ARAP2: variants seen among roughly 807,000 people sequenced by gnomAD.
ARAP2 encodes the protein ArfGAP with RhoGAP domain, ankyrin repeat and PH domain 2.
A neutral mutation model predicts 194.5 loss-of-function variants in ARAP2; 148 were observed. That is an observed-to-expected ratio of 0.76 (90% CI 0.67 to 0.87). The LOEUF is 0.87. Among genes scored for constraint, ARAP2 ranks in the 40% least tolerant of loss-of-function variants. ARAP2 has a pLI of 0.00. For missense variants in ARAP2, 2,128 were observed against 1,989.7 expected (o/e 1.07, Z -1.32); for synonymous variants, 695 against 683.5 (o/e 1.02, Z -0.26).
rs1415113058 is a variant in ARAP2, at chr4:36,229,182, A to C, written c.305T>G (p.Ile102Ser). 6.2e-7 allele frequency: 1 copy of C among 1,614,030 alleles called. No homozygotes were observed. The highest frequency in any genetic ancestry group is 2.2e-5 in the East Asian group (1 of 44,902). Residue 102 changes from isoleucine to serine, a missense_variant, in exon 2 of 33, where the codon ATC becomes AGC. By Grantham distance (142) the Ile-to-Ser change is moderately radical. Coordinates refer to ENST00000303965, the MANE Select transcript of ARAP2 (RefSeq NM_015230.4). ...ACCAGAATTGGAAAGTTCTATGCAGATATTCTGATCAGAAGATGGAACATG... is the reference window on the plus strand; with the variant it reads ...ACCAGAATTGGAAAGTTCTATGCAGCTATTCTGATCAGAAGATGGAACATG... ...DYHVPSSDQN[I>S]CIELSNSGSV...
chr4:36,187,644 C>T (rs1260739512), intron 7 of ARAP2, 73 bp from the exon 8 acceptor site: 1 of 1,341,218 alleles, frequency 7.5e-7, no homozygotes, highest in African/African-American at 1.5e-5. Flanking sequence ...AAGAATGGCA[C>T]AGTATTTATA....
At chr4:36,008,157 T>C (rs999723631) in intron 9 of ARAP2, among the ~76,000 whole-genome samples, 1 of 152,138 alleles carries the variant, frequency 6.6e-6, no homozygotes, top group African/African-American at 2.4e-5. Context: ...TCTATCAAAT[T>C]ACTAATGTCA....
chr4:36,044,236 A>T (rs1221700495), intron 5 of ARAP2, among the ~76,000 whole-genome samples: 1 of 152,212 alleles, frequency 6.6e-6, no homozygotes, highest in Non-Finnish European at 1.5e-5. Flanking sequence ...TTTATTTGGC[A>T]AACTAGAGGC....
chr4:36,079,201 A>C (rs962961809), intron 31 of ARAP2, among the ~76,000 whole-genome samples: 4 of 145,964 alleles, frequency 2.7e-5, no homozygotes, highest in African/African-American at 1.0e-4. Flanking sequence ...AAAAAAGTTG[A>C]ATATCTGAAT....
At chr4:36,171,184 G>C (rs1736531045) in intron 9 of ARAP2, among the ~76,000 whole-genome samples, 1 of 152,160 alleles carries the variant, frequency 6.6e-6, no homozygotes, top group Non-Finnish European at 1.5e-5. Flanking sequence ...ATGTTTAAAA[G>C]ATTATAAATC....
intron 6 of ARAP2, among the ~76,000 whole-genome samples, chr4:36,017,901 A>C (rs768042344): frequency 6.6e-6 from 1 of 152,142 alleles, no homozygotes; most frequent in Admixed American, 6.6e-5. Flanking sequence ...TGGAAATAAT[A>C]AGATATTTGG....
intron 8 of ARAP2, among the ~76,000 whole-genome samples, chr4:36,014,322 GAGAGAAAGAAAGAAAGAAAGAA>G (rs1715310490): frequency 4.0e-4 from 51 of 128,298 alleles, no homozygotes; most frequent in Non-Finnish European, 6.2e-4. Context: ...AAGAAAGAAA[GAGAGAAAGAAAGAAAGAAAGAA>G]AGAAAGAAAG....
rs770832180 is a variant in ARAP2, at chr4:36,159,509, G to T, written c.2443-4C>A. ...TCACTACAGCAGCACATAGAGCCTG[G>T]TCATTAAAAGAAAATATACATCTTA... On this transcript the variant is annotated splice_polypyrimidine_tract_variant and splice_region_variant and intron_variant, in intron 13 of 32. Coordinates refer to ENST00000303965, the MANE Select transcript of ARAP2 (RefSeq NM_015230.4). The T allele has an allele frequency of 1.3e-6, 2 of 1,501,910 alleles. No individual in the cohort carries two copies. The highest frequency in any genetic ancestry group is 4.2e-5 in the Admixed American group (2 of 47,908). 93.0% of individuals were successfully genotyped at this position (1,501,910 alleles called of 1,614,324 possible). A position where few individuals can be genotyped will look rare whatever the true frequency, so the allele number is the denominator to read the frequency against.
chr4:36,086,394 T>C (rs1231644650), intron 28 of ARAP2, among the ~76,000 whole-genome samples: 1 of 152,116 alleles, frequency 6.6e-6, no homozygotes, highest in Non-Finnish European at 1.5e-5. Context: ...CATTACTTTA[T>C]ACCACAGCAT....
chr4:36,119,778 C>T (rs1015929425), intron 23 of ARAP2, 60 bp from the exon 24 acceptor site: 1 of 1,172,188 alleles, frequency 8.5e-7, no homozygotes, highest in Non-Finnish European at 1.2e-6. Context: ...TGATGACACT[C>T]ATCCTCATGT....
intron 27 of ARAP2, among the ~76,000 whole-genome samples, chr4:36,106,669 A>G (rs773934705): frequency 7.2e-5 from 11 of 151,922 alleles, no homozygotes; most frequent in Non-Finnish European, 1.6e-4. Context: ...TCTTCAATTC[A>G]ATACTTAGTA....
chr4:36,063,933 G>A (rs1026983449), downstream of ARAP2, among the ~76,000 whole-genome samples: 2 of 152,146 alleles, frequency 1.3e-5, no homozygotes, highest in Admixed American at 6.5e-5. Flanking sequence ...TACATTTAAT[G>A]CATTTACAAA....
intron 6 of ARAP2, among the ~76,000 whole-genome samples, chr4:36,199,656 T>G (rs1162766647): frequency 6.6e-6 from 1 of 152,194 alleles, no homozygotes; most frequent in African/African-American, 2.4e-5. Flanking sequence ...TAATCACCAT[T>G]CTACTCTGTT....
Position 36,228,622 on chromosome 4 carries a change from C to T in ARAP2, c.865G>A (p.Val289Ile). 3 of 1,613,548 alleles carry T rather than the reference C, an allele frequency of 1.9e-6. No homozygotes were observed. Among genetic ancestry groups the T allele is most frequent in the Non-Finnish European group, 2.5e-6 (3 of 1,179,720 alleles). Reference sequence around the variant, plus strand: ...TTTGTTGACCCTGGAATCTCTGGTACAGGTCGATGTCTTAGCAGAAAAGAT... The same window carrying T: ...TTTGTTGACCCTGGAATCTCTGGTATAGGTCGATGTCTTAGCAGAAAAGAT... ...SRSFLLRHRP[V>I]PEIPGSTKGV... Residue 289 changes from valine to isoleucine, a missense_variant, in exon 2 of 33, where the codon GTA (valine) becomes ATA (isoleucine). Transcript: ENST00000303965.
chr4:36,185,354 T>C (rs998978634), intron 8 of ARAP2, among the ~76,000 whole-genome samples: 5 of 152,206 alleles, frequency 3.3e-5, no homozygotes, highest in Non-Finnish European at 7.3e-5. Context: ...CACTTTGATA[T>C]TTATTATTTT....
At chr4:36,036,852 C>T (rs937663194) in intron 5 of ARAP2, among the ~76,000 whole-genome samples, 2 of 152,094 alleles carry the variant, frequency 1.3e-5, no homozygotes, top group Non-Finnish European at 2.9e-5. Context: ...TAAATACTTA[C>T]ATTTTATATA....
chr4:36,083,364 T>C lies in ARAP2; in HGVS notation c.4508+4A>G. On this transcript the variant is annotated splice_donor_region_variant and intron_variant, in intron 29 of 32. Transcript: ENST00000303965. ...CCTTTCAGCACTTCCCTTTCAAACT[T>C]TACCTTGTTGGAGGCTTCATTTTCT... 1 of 1,595,502 alleles carries C rather than the reference T, an allele frequency of 6.3e-7. No individual in the cohort carries two copies. Among genetic ancestry groups the C allele is most frequent in the Non-Finnish European group, 8.5e-7 (1 of 1,170,168 alleles).
chr4:36,235,540 C>T (rs1752273762), intron 1 of ARAP2, among the ~76,000 whole-genome samples: 2 of 152,234 alleles, frequency 1.3e-5, no homozygotes, highest in Admixed American at 1.3e-4. Context: ...GACTCACCAT[C>T]CCTTATCCTT....
intron 19 of ARAP2, among the ~76,000 whole-genome samples, chr4:36,142,986 C>T (rs899254456): frequency 2.0e-5 from 3 of 151,696 alleles, no homozygotes; most frequent in East Asian, 1.9e-4. Flanking sequence ...CTCATTATCT[C>T]CCAGGCTCTC....
Sources: allele counts gnomAD v4.1 joint callset (sites outside exome capture counted in the v4.1 genomes callset), GRCh38; gene constraint gnomAD v4.1.1; transcripts MANE v1.5; gene names NCBI Gene and HGNC (gene_info 2026-07-23, HGNC 2026-07-21).